The following KLHL29 variants were observed in gnomAD, a reference collection of about 807,000 sequenced individuals.
KLHL29 encodes kelch like family member 29.
In KLHL29, 21 loss-of-function variants were observed where a neutral mutation model predicts 80.4. That is an observed-to-expected ratio of 0.26 (90% CI 0.19 to 0.38). The LOEUF (loss-of-function observed/expected upper bound fraction) is 0.38, where lower values mean the gene tolerates loss of function less well. KLHL29 is among the 10% of genes least tolerant of loss of function. The pLI is 1.00. For missense variants in KLHL29, 867 were observed against 1,223.9 expected, an observed-to-expected ratio of 0.71 and a Z score of 4.35; for synonymous variants, 511 against 526.8, an observed-to-expected ratio of 0.97 and a Z score of 0.41.
intron 1 of KLHL29, among the ~76,000 whole-genome samples, chr2:23,451,544 C>T (rs1043248519): frequency 1.3e-4 from 20 of 152,322 alleles, no homozygotes; most frequent in African/African-American, 4.8e-4. Context: ...TCTCCCTCTT[C>T]CCAAGGCAGC....
intron 2 of KLHL29, 134 bp downstream of exon 2, chr2:23,475,801 C>T (rs751514057): frequency 1.9e-5 from 3 of 155,252 alleles, no homozygotes; most frequent in East Asian, 1.9e-4. Flanking sequence ...TTCCTCAGTG[C>T]GATTTTACCA....
At chr2:23,699,141 C>T (rs745964606) in intron 11 of KLHL29, among the ~76,000 whole-genome samples, 29 of 152,230 alleles carry the variant, frequency 1.9e-4, no homozygotes, top group Non-Finnish European at 3.2e-4. Context: ...CACAACTGGA[C>T]GTCACATCAC....
chr2:23,445,888 T>C (rs1663660072), intron 1 of KLHL29, among the ~76,000 whole-genome samples: 1 of 152,244 alleles, frequency 6.6e-6, no homozygotes, highest in Non-Finnish European at 1.5e-5. Flanking sequence ...ATCTCCCCTT[T>C]TCTTTCTATA....
In KLHL29 at chr2:23,680,425, G is replaced by A. The variant is rs187793912; in HGVS notation, c.941-3974G>A. ...ATCTGAGCATGGGGAAGCCACTTCC[G>A]TGAGCAAGGCCAGGGTGTGCAGTCC... On this transcript the variant is annotated intron_variant, in intron 5 of 13. Transcript: ENST00000486442. The surrounding 1 kb of genome is among the most constrained non-coding windows in gnomAD (Gnocchi z 4.1). Among the ~76,000 whole-genome samples, 25 of 152,342 alleles carry A rather than the reference G, an allele frequency of 1.6e-4. 1 individual carries two copies. Among genetic ancestry groups the A allele is most frequent in the African/African-American group, 3.6e-4 (15 of 41,580 alleles).
intron 3 of KLHL29, 123 bp from the exon 4 acceptor site, chr2:23,639,016 C>T (rs870314): frequency 0.087 from 79,884 of 915,750 alleles, 7,738 homozygotes; most frequent in East Asian, 0.5. Flanking sequence ...TGACCCTGTA[C>T]TCAGTGGGCG....
At chr2:23,442,710 C>T (rs1468673623) in intron 1 of KLHL29, among the ~76,000 whole-genome samples, 1 of 152,094 alleles carries the variant, frequency 6.6e-6, no homozygotes, top group African/African-American at 2.4e-5. Flanking sequence ...TAATTTGTTA[C>T]AGCAGCGAGA....
intron 5 of KLHL29, among the ~76,000 whole-genome samples, chr2:23,671,199 C>G (rs1044800992): frequency 6.6e-6 from 1 of 151,868 alleles, no homozygotes; most frequent in East Asian, 1.9e-4. Context: ...TCCTTTAAAA[C>G]TATTTATTTA....
At chr2:23,427,752 G>A (rs1419000951) in intron 1 of KLHL29, among the ~76,000 whole-genome samples, 1 of 152,184 alleles carries the variant, frequency 6.6e-6, no homozygotes, top group African/African-American at 2.4e-5. Context: ...AGATAAAAAT[G>A]TAAAATCCTG....
At chr2:23,395,346 A>G (rs1332046880) in intron 1 of KLHL29, among the ~76,000 whole-genome samples, 3 of 152,180 alleles carry the variant, frequency 2.0e-5, no homozygotes, top group Middle Eastern at 3.2e-3. Context: ...CCATCACAGT[A>G]GAGAGGGGTA....
At chr2:23,614,345 T>A (rs1668948212) in intron 3 of KLHL29, among the ~76,000 whole-genome samples, 1 of 152,002 alleles carries the variant, frequency 6.6e-6, no homozygotes, top group South Asian at 2.1e-4. Flanking sequence ...AAAATAAATT[T>A]CCTAAAATGA....
chr2:23,390,013 A>C (rs897448511), intron 1 of KLHL29, among the ~76,000 whole-genome samples: 1 of 152,232 alleles, frequency 6.6e-6, no homozygotes. Context: ...TAGATCAAAA[A>C]TGCTGAGATC....
At chr2:23,528,877 G>T (rs1666409137) in intron 2 of KLHL29, among the ~76,000 whole-genome samples, 1 of 152,232 alleles carries the variant, frequency 6.6e-6, no homozygotes, top group Non-Finnish European at 1.5e-5. Flanking sequence ...GTGCTGCCGT[G>T]TGTGTGGTGT....
chr2:23,643,925 C>T (rs946701177), intron 5 of KLHL29: 14 of 152,240 alleles, frequency 9.2e-5, no homozygotes, highest in African/African-American at 3.1e-4. Flanking sequence ...ACATAAAACC[C>T]CTTGAGATGG....
At chr2:23,522,264 C>T (rs1666128626) in intron 2 of KLHL29, among the ~76,000 whole-genome samples, 1 of 152,102 alleles carries the variant, frequency 6.6e-6, no homozygotes, top group Non-Finnish European at 1.5e-5. Flanking sequence ...AATTCTCCCA[C>T]CTCAGTCTCT....
chr2:23,597,395 ATATATATATATATT>A, intron 3 of KLHL29, among the ~76,000 whole-genome samples: 1 of 89,308 alleles, frequency 1.1e-5, no homozygotes, highest in Non-Finnish European at 2.0e-5. Context: ...ATATATATAT[ATATATATATATATT>A]TTTTTTTTTT....
chr2:23,554,447 C>T (rs1047934121), intron 2 of KLHL29, among the ~76,000 whole-genome samples: 1 of 152,204 alleles, frequency 6.6e-6, no homozygotes, highest in African/African-American at 2.4e-5. Flanking sequence ...CCCCTGCCTT[C>T]CTGTGGATTA....
intron 5 of KLHL29, among the ~76,000 whole-genome samples, chr2:23,677,654 C>T (rs1034002618): frequency 2.0e-5 from 3 of 152,228 alleles, no homozygotes; most frequent in Non-Finnish European, 4.4e-5. Context: ...TCTGATCAGA[C>T]CGGGGAGGGA....
chr2:23,706,578 A>G lies in KLHL29; in HGVS notation c.2542A>G (p.Asn848Asp). 6.5e-7 allele frequency: 1 copy of G among 1,537,160 alleles called. No individual in the cohort carries two copies. The highest frequency in any genetic ancestry group is 8.7e-7 in the Non-Finnish European group (1 of 1,146,850). ...GNMEAYEPTT[N>D]TWTLLPHMPC... ...CATGGAGGCCTACGAGCCCACAACC[A>G]ACACATGGACCCTCCTCCCCCACAT... Residue 848 changes from asparagine to aspartate, a missense_variant, in exon 14 of 14, where the codon AAC becomes GAC. Coordinates refer to ENST00000486442, the MANE Select transcript of KLHL29 (RefSeq NM_052920.2).
At chr2:23,469,142 A>G (rs990468940) in intron 1 of KLHL29, among the ~76,000 whole-genome samples, 6 of 152,308 alleles carry the variant, frequency 3.9e-5, no homozygotes, top group Non-Finnish European at 8.8e-5. Context: ...AGAGTCGAGG[A>G]AAGCTGTGTC....
Sources: allele counts gnomAD v4.1 joint callset (sites outside exome capture counted in the v4.1 genomes callset), GRCh38; gene constraint gnomAD v4.1.1; non-coding constraint Gnocchi (gnomAD v3.1); transcripts MANE v1.5; gene names NCBI Gene and HGNC (gene_info 2026-07-23, HGNC 2026-07-21).